SMCHD1: variants seen among roughly 807,000 people sequenced by gnomAD.
SMCHD1 encodes structural maintenance of chromosomes flexible hinge domain-containing protein 1.
Under a neutral mutation model 254.7 loss-of-function variants are expected in SMCHD1, and 78 were observed. That is an observed-to-expected ratio of 0.31 (90% CI 0.26 to 0.37). The LOEUF is 0.37. Ranked by LOEUF, SMCHD1 falls within the 10% of genes least tolerant of loss-of-function variation. SMCHD1 has a pLI of 1.00. For missense variants in SMCHD1, 1,840 were observed against 2,408.1 expected, an observed-to-expected ratio of 0.76 and a Z score of 4.94; for synonymous variants, 766 against 794.9, an observed-to-expected ratio of 0.96 and a Z score of 0.61.
At chr18:2,679,071 C>T (rs977690744) in intron 5 of SMCHD1, among the ~76,000 whole-genome samples, 1 of 151,118 alleles carries the variant, frequency 6.6e-6, no homozygotes, top group African/African-American at 2.4e-5. Context: ...TGGTCTTGAA[C>T]TCTTGACCTC....
chr18:2,726,103 CAT>C (rs994278765), intron 21 of SMCHD1, among the ~76,000 whole-genome samples: 1 of 151,750 alleles, frequency 6.6e-6, no homozygotes, highest in African/African-American at 2.4e-5. Context: ...TTTACTATTT[CAT>C]ATGTTTTATA....
chr18:2,699,845 G>A (rs1309526089), intron 10 of SMCHD1, among the ~76,000 whole-genome samples: 1 of 152,194 alleles, frequency 6.6e-6, no homozygotes, highest in African/African-American at 2.4e-5. Context: ...TTAGGGAGAA[G>A]GTTTTGTTTT....
intron 21 of SMCHD1, among the ~76,000 whole-genome samples, chr18:2,725,474 A>G (rs1033068072): frequency 2.6e-5 from 4 of 151,888 alleles, no homozygotes; most frequent in African/African-American, 7.2e-5. Context: ...AAGGAATCCT[A>G]TGCATAGTTT....
At position 2,743,895 on chromosome 18, in the gene SMCHD1, ACTT is replaced by A; in HGVS notation, c.3771_3773del (p.Leu1259del). On this transcript the variant is annotated inframe_deletion, in exon 29 of 48. Coordinates refer to ENST00000320876, the MANE Select transcript of SMCHD1 (RefSeq NM_015295.3). ...AACTAATTTCTGGACCTCCTGCTAAACTTCTCCTTATAGACTGGCCAGAACTAA... is the reference window on the plus strand; with the variant it reads ...AACTAATTTCTGGACCTCCTGCTAAACTCCTTATAGACTGGCCAGAACTAA... 6.2e-7 allele frequency: 1 copy of A among 1,613,078 alleles called. No individual in the cohort carries two copies. Among genetic ancestry groups the A allele is most frequent in the Non-Finnish European group, 8.5e-7 (1 of 1,179,478 alleles).
intron 1 of SMCHD1, 122 bp from the exon 2 acceptor site, chr18:2,666,035 C>T: frequency 9.9e-6 from 5 of 503,254 alleles, no homozygotes; most frequent in East Asian, 3.4e-5. Flanking sequence ...TTTGTATTTC[C>T]TAGATAAGTG....
chr18:2,703,867 T>A lies in SMCHD1; in HGVS notation c.1823T>A (p.Ile608Lys). The A allele has an allele frequency of 6.2e-7, 1 of 1,603,464 alleles. No individual in the cohort carries two copies. Among genetic ancestry groups the A allele is most frequent in the Non-Finnish European group, 8.5e-7 (1 of 1,176,440 alleles). The change falls in exon 13 of 48, where the codon ATA becomes AAA. Residue 608 changes from isoleucine to lysine, a missense_variant. By Grantham distance (102) the Ile-to-Lys change is moderately radical (BLOSUM62 -3). This residue lies in a region of SMCHD1 where 498 missense variants were observed against 743.5 expected (regional missense o/e 0.67). Transcript: ENST00000320876. The part of the protein sequence containing the change: ...TYAAIEWDGK[I>K]YKAGQLVKTI... ...GCAGCAATAGAATGGGATGGAAAGA[T>A]ATACAAAGCAGGACAGCTGGTAGGT... is the stretch of plus-strand genomic sequence containing the variant.
At chr18:2,791,596 T>A (rs1446071729) in intron 45 of SMCHD1, among the ~76,000 whole-genome samples, 2 of 152,146 alleles carry the variant, frequency 1.3e-5, no homozygotes, top group African/African-American at 2.4e-5. Flanking sequence ...TTTTCAAGAC[T>A]TTGGATATGA....
chr18:2,709,232 G>GTATA (rs1555635615), intron 17 of SMCHD1, among the ~76,000 whole-genome samples: 46 of 79,700 alleles, frequency 5.8e-4, no homozygotes, highest in African/African-American at 1.3e-3. Flanking sequence ...GTGTATATGT[G>GTATA]TATATATATA....
chr18:2,785,978 T>C (rs1032823980), intron 45 of SMCHD1, among the ~76,000 whole-genome samples: 3 of 152,204 alleles, frequency 2.0e-5, no homozygotes, highest in African/African-American at 7.2e-5. Flanking sequence ...TGTATCTATT[T>C]GCAACGTTTT....
intron 5 of SMCHD1, among the ~76,000 whole-genome samples, chr18:2,688,041 A>G (rs1279810861): frequency 1.3e-5 from 2 of 152,218 alleles, no homozygotes; most frequent in African/African-American, 2.4e-5. Flanking sequence ...TTCTTCAGAC[A>G]ATATTTTAGC....
intron 1 of SMCHD1, among the ~76,000 whole-genome samples, chr18:2,659,677 A>G (rs894935374): frequency 6.7e-5 from 10 of 150,118 alleles, no homozygotes; most frequent in South Asian, 2.1e-4. Flanking sequence ...TGTGGCTCCA[A>G]TGTTTTTTGT....
intron 25 of SMCHD1, among the ~76,000 whole-genome samples, chr18:2,734,437 C>G (rs1017114363): frequency 6.6e-6 from 1 of 152,070 alleles, no homozygotes; most frequent in Non-Finnish European, 1.5e-5. Flanking sequence ...TGTCTGTGCA[C>G]TTCTTCATTG....
At chr18:2,664,881 G>A (rs145742336) in intron 1 of SMCHD1, among the ~76,000 whole-genome samples, 1 of 152,338 alleles carries the variant, frequency 6.6e-6, no homozygotes, top group African/African-American at 2.4e-5. Flanking sequence ...AAGAAAAGCA[G>A]TGTAAATAAT....
At chr18:2,785,534 C>T (rs2076225016) in intron 45 of SMCHD1, among the ~76,000 whole-genome samples, 1 of 151,292 alleles carries the variant, frequency 6.6e-6, no homozygotes. Context: ...CACCTGTAGT[C>T]CCAGCTACTT....
At chr18:2,732,798 A>C (rs2075168151) in intron 25 of SMCHD1, among the ~76,000 whole-genome samples, 1 of 152,172 alleles carries the variant, frequency 6.6e-6, no homozygotes, top group African/African-American at 2.4e-5. Context: ...CAACATCACC[A>C]CCTTGATAAA....
intron 42 of SMCHD1, among the ~76,000 whole-genome samples, chr18:2,776,303 C>T (rs1017965480): frequency 2.6e-4 from 39 of 152,086 alleles, no homozygotes; most frequent in African/African-American, 8.9e-4. Flanking sequence ...TCAGTGCAGC[C>T]TCAACGTCCC....
At chr18:2,758,800 G>GCCCCCA (rs975400732) in intron 34 of SMCHD1, among the ~76,000 whole-genome samples, 1 of 151,514 alleles carries the variant, frequency 6.6e-6, no homozygotes, top group Middle Eastern at 3.2e-3. Flanking sequence ...TTCCTCCCCT[G>GCCCCCA]CCCCCACCCC....
At chr18:2,783,149 G>A (rs1180916532) in intron 44 of SMCHD1, among the ~76,000 whole-genome samples, 4 of 152,088 alleles carry the variant, frequency 2.6e-5, no homozygotes, top group Admixed American at 6.5e-5. Flanking sequence ...TGGATGTGCC[G>A]TAATTTACTT....
chr18:2,695,462 A>C (rs1188707437), intron 8 of SMCHD1, among the ~76,000 whole-genome samples: 2 of 152,052 alleles, frequency 1.3e-5, no homozygotes, highest in African/African-American at 2.4e-5. Flanking sequence ...GGCGCGTGCC[A>C]CCACACTCAA....
Sources: gnomAD v4.1 joint callset for allele counts (sites outside exome capture counted in the v4.1 genomes callset) on GRCh38, gnomAD v4.1.1 for gene constraint, gnomAD v4.1.1 regional missense constraint, MANE v1.5 for transcripts, NCBI Gene and HGNC (gene_info 2026-07-23, HGNC 2026-07-21) for gene names.